SDK1: variants seen among roughly 807,000 people sequenced by gnomAD.
SDK1 encodes the protein sidekick cell adhesion molecule 1.
A neutral mutation model predicts 245.5 loss-of-function variants in SDK1; 157 were observed. That is an observed-to-expected ratio of 0.64 (90% confidence interval 0.56 to 0.73). The LOEUF (loss-of-function observed/expected upper bound fraction) is 0.73, where lower values mean the gene tolerates loss of function less well. SDK1 is among the 30% of genes least tolerant of loss of function. The pLI, the probability that SDK1 is intolerant of heterozygous loss-of-function variation, is 0.00. For missense variants in SDK1, 3,583 were observed against 3,002.3 expected, an observed-to-expected ratio of 1.19 and a Z score of -4.52; for synonymous variants, 1,647 against 1,278.5, an observed-to-expected ratio of 1.29 and a Z score of -6.15.
chr7:3,737,735 A>G (rs1779358042), intron 4 of SDK1, among the ~76,000 whole-genome samples: 1 of 152,162 alleles, frequency 6.6e-6, no homozygotes. Flanking sequence ...TTCCTGTGAG[A>G]CAAGACAGAA....
intron 4 of SDK1, chr7:3,643,054 A>T (rs1170590729): frequency 6.6e-6 from 1 of 152,294 alleles, no homozygotes; most frequent in East Asian, 1.9e-4. Context: ...CTACCTGAGC[A>T]TCTGTGGAAT....
intron 4 of SDK1, among the ~76,000 whole-genome samples, chr7:3,769,229 T>G (rs1780339078): frequency 6.6e-6 from 1 of 152,170 alleles, no homozygotes; most frequent in African/African-American, 2.4e-5. Context: ...GGGTAATGTA[T>G]GAAGAAAAAG....
chr7:3,957,400 A>T (rs1781356904), intron 7 of SDK1, among the ~76,000 whole-genome samples: 1 of 152,240 alleles, frequency 6.6e-6, no homozygotes. Context: ...CATTGCGGGA[A>T]GCCGAGTGAA....
intron 41 of SDK1, among the ~76,000 whole-genome samples, chr7:4,235,884 C>A (rs558740289): frequency 3.8e-4 from 58 of 152,376 alleles, no homozygotes; most frequent in Non-Finnish European, 3.5e-4. Flanking sequence ...TATGAGAGTC[C>A]TCCAGGACAG....
intron 4 of SDK1, among the ~76,000 whole-genome samples, chr7:3,702,220 G>A (rs1384560895): frequency 1.3e-5 from 2 of 152,076 alleles, no homozygotes; most frequent in Admixed American, 6.5e-5. Flanking sequence ...CTATTTCTAA[G>A]CTACATATTT....
intron 1 of SDK1, among the ~76,000 whole-genome samples, chr7:3,561,972 A>G (rs1583168127): frequency 6.6e-6 from 1 of 152,240 alleles, no homozygotes; most frequent in South Asian, 2.1e-4. Flanking sequence ...AGATTAACAC[A>G]AATGCTGGTG....
rs533466049 is a variant in SDK1, at chr7:4,059,298, G to C, written c.2911+7468G>C. Among the ~76,000 whole-genome samples, 5 of 152,214 alleles carry C rather than the reference G, an allele frequency of 3.3e-5. 1 individual carries two copies. In the South Asian group the frequency reaches 6.2e-4, roughly 19 times the overall value. Reference sequence around the variant, plus strand: ...CAGAAAGCAAAAGTGAACAGGAGTAGGTACGCTTAGATAAAATACTTTAAG... The same window carrying C: ...CAGAAAGCAAAAGTGAACAGGAGTACGTACGCTTAGATAAAATACTTTAAG... On this transcript the variant is annotated intron_variant, in intron 19 of 44. Transcript: ENST00000404826.
At chr7:3,503,676 T>A (rs182605097) in intron 1 of SDK1, among the ~76,000 whole-genome samples, 31 of 151,050 alleles carry the variant, frequency 2.1e-4, no homozygotes, top group Non-Finnish European at 4.0e-4. Flanking sequence ...GACCTTCATA[T>A]CTTAAAAAAA....
At chr7:4,107,683 T>C (rs1218222804) in intron 22 of SDK1, among the ~76,000 whole-genome samples, 3 of 152,082 alleles carry the variant, frequency 2.0e-5, no homozygotes, top group Non-Finnish European at 4.4e-5. Flanking sequence ...TGAAAAAATG[T>C]GGGGCTTGGT....
intron 5 of SDK1, among the ~76,000 whole-genome samples, chr7:3,828,789 C>G (rs1489020598): frequency 6.6e-6 from 1 of 150,838 alleles, no homozygotes; most frequent in East Asian, 2.0e-4. Context: ...GTAGCTGGGA[C>G]TACAGGCATG....
At chr7:3,554,076 A>G (rs1231351118) in intron 1 of SDK1, among the ~76,000 whole-genome samples, 1 of 152,218 alleles carries the variant, frequency 6.6e-6, no homozygotes, top group East Asian at 1.9e-4. Flanking sequence ...GCAAGGATGT[A>G]GAAGGTCTGA....
intron 5 of SDK1, among the ~76,000 whole-genome samples, chr7:3,899,322 C>A (rs760456444): frequency 1.3e-5 from 2 of 152,098 alleles, no homozygotes; most frequent in Non-Finnish European, 2.9e-5. Context: ...GCTTGGAGTT[C>A]TTTCATATCT....
chr7:3,417,851 A>G (rs1398470346), intron 1 of SDK1, among the ~76,000 whole-genome samples: 1 of 152,178 alleles, frequency 6.6e-6, no homozygotes, highest in Non-Finnish European at 1.5e-5. Flanking sequence ...TCCAGTTGGC[A>G]AGTGGAATTC....
At chr7:3,411,308 G>A (rs1271266817) in intron 1 of SDK1, among the ~76,000 whole-genome samples, 1 of 152,170 alleles carries the variant, frequency 6.6e-6, no homozygotes, top group African/African-American at 2.4e-5. Flanking sequence ...TGAGAACTAA[G>A]AAAAGGCAGT....
At chr7:3,809,284 G>C (rs1166267613) in intron 4 of SDK1, among the ~76,000 whole-genome samples, 1 of 152,166 alleles carries the variant, frequency 6.6e-6, no homozygotes, top group African/African-American at 2.4e-5. Flanking sequence ...ACAGCACCAA[G>C]AGGATGGTGC....
chr7:4,104,999 T>C (rs756454898), intron 22 of SDK1, among the ~76,000 whole-genome samples: 1 of 152,134 alleles, frequency 6.6e-6, no homozygotes, highest in Non-Finnish European at 1.5e-5. Flanking sequence ...ATTTATTCTT[T>C]TGAGATGAAG....
intron 1 of SDK1, chr7:3,337,958 A>C (rs1237872789): frequency 6.6e-6 from 1 of 152,664 alleles, no homozygotes; most frequent in Non-Finnish European, 1.5e-5. Flanking sequence ...GGAATGGGCA[A>C]ATATAGGGGC....
chr7:3,632,554 G>GA (rs1245290390), intron 2 of SDK1, among the ~76,000 whole-genome samples: 3 of 140,128 alleles, frequency 2.1e-5, no homozygotes, highest in Admixed American at 7.3e-5. Flanking sequence ...AGATTCCATA[G>GA]ACCCTCCCAC....
chr7:3,346,433 C>G (rs1015216834), intron 1 of SDK1, among the ~76,000 whole-genome samples: 5 of 152,110 alleles, frequency 3.3e-5, no homozygotes, highest in Non-Finnish European at 5.9e-5. Flanking sequence ...TGGTCCTGAT[C>G]GATGAAGCTA....
Sources: gnomAD v4.1 joint callset for allele counts (sites outside exome capture counted in the v4.1 genomes callset) on GRCh38, gnomAD v4.1.1 for gene constraint, MANE v1.5 for transcripts, NCBI Gene and HGNC (gene_info 2026-07-23, HGNC 2026-07-21) for gene names.